KLRD1: variants seen among roughly 807,000 people sequenced by gnomAD.
KLRD1 encodes the protein natural killer cells antigen CD94.
KLRD1 carries 21 observed loss-of-function variants against 22.6 expected under a neutral mutation model. The ratio of observed to expected loss-of-function variants is 0.93; its 90% CI spans 0.66 to 1.34. KLRD1 has a LOEUF of 1.34. KLRD1 is among the 40% of genes most tolerant of loss of function. The probability of loss-of-function intolerance (pLI) is 0.00; values close to 1 mark genes in which losing one functional copy is unlikely to be tolerated. For synonymous variants in KLRD1, 59 were observed against 71.1 expected (o/e 0.83, Z 0.85); for missense variants, 183 against 208.6 (o/e 0.88, Z 0.76).
chr12:10,299,719 T>C (rs1361559306), upstream of KLRD1, among the ~76,000 whole-genome samples: 1 of 152,108 alleles, frequency 6.6e-6, no homozygotes, highest in Admixed American at 6.6e-5. Flanking sequence ...AATAAAAAAA[T>C]GAATTTTGTG....
At chr12:10,287,275 G>A (rs761405475) in intron 1 of KLRD1, among the ~76,000 whole-genome samples, 9 of 152,172 alleles carry the variant, frequency 5.9e-5, no homozygotes. Context: ...AGACAGCCAT[G>A]GGAGAATGCA....
upstream of KLRD1, among the ~76,000 whole-genome samples, chr12:10,304,177 C>G (rs1315384978): frequency 6.6e-6 from 1 of 152,102 alleles, no homozygotes; most frequent in African/African-American, 2.4e-5. Context: ...CAGTGGAAAA[C>G]CCAGGCCTGC....
At chr12:10,289,669 C>A (rs1949747083) in intron 1 of KLRD1, among the ~76,000 whole-genome samples, 1 of 152,160 alleles carries the variant, frequency 6.6e-6, no homozygotes, top group Non-Finnish European at 1.5e-5. Flanking sequence ...TGTTTATTTG[C>A]TTATTTCTTT....
At chr12:10,262,116 T>G (rs1949459318) in intron 1 of KLRD1, among the ~76,000 whole-genome samples, 1 of 152,106 alleles carries the variant, frequency 6.6e-6, no homozygotes, top group African/African-American at 2.4e-5. Context: ...AAATGTTGAG[T>G]TTAGCATGCT....
chr12:10,254,819 G>C (rs903844209), intron 1 of KLRD1, among the ~76,000 whole-genome samples: 4 of 132,906 alleles, frequency 3.0e-5, no homozygotes, highest in Admixed American at 7.2e-5. Context: ...CTTGAACCCA[G>C]GAGGCGGAGA....
intron 4 of KLRD1, among the ~76,000 whole-genome samples, chr12:10,312,300 CCTT>C (rs1211541981): frequency 5.9e-5 from 9 of 152,142 alleles, no homozygotes; most frequent in South Asian, 4.2e-4. Flanking sequence ...GATCTACCCT[CCTT>C]GGCCTCCCAA....
At chr12:10,281,238 C>T (rs774557348) in intron 1 of KLRD1, among the ~76,000 whole-genome samples, 22 of 152,134 alleles carry the variant, frequency 1.4e-4, no homozygotes, top group African/African-American at 2.9e-4. Context: ...AGTGAGGGAA[C>T]GCTGGCAGAC....
At chr12:10,298,196 A>C (rs1190170717) in intron 1 of KLRD1, among the ~76,000 whole-genome samples, 1 of 152,226 alleles carries the variant, frequency 6.6e-6, no homozygotes, top group Non-Finnish European at 1.5e-5. Flanking sequence ...CTGGAGTTAC[A>C]AAGACAATGT....
At chr12:10,303,390 A>AG (rs921231958), upstream of KLRD1, among the ~76,000 whole-genome samples, 2 of 152,096 alleles carry the variant, frequency 1.3e-5, no homozygotes, top group Non-Finnish European at 2.9e-5. Context: ...GGTTTATTGG[A>AG]GGGGGCTTCT....
At position 10,243,631 on chromosome 12, in the gene KLRD1, A is replaced by AAAAAAAAAAAAAAAAAAAAAG. The variant is rs771543645; in HGVS notation, c.-101+17400_-101+17401insAAAAAAAAAAAAAAAAAAGAA. On this transcript the variant is annotated intron_variant, in intron 1 of 5. Transcript: ENST00000544747. Reference sequence around the variant, plus strand: ...CCAAAAAAAAAAAAAAAAAAAAAAAAAACCGAAATGAAAGATATGGAACAA... The same window carrying AAAAAAAAAAAAAAAAAAAAAG: ...CCAAAAAAAAAAAAAAAAAAAAAAAAAAAAAAAAAAAAAAAAAAAAGAACCGAAATGAAAGATATGGAACAA... Among the ~76,000 whole-genome samples the AAAAAAAAAAAAAAAAAAAAAG allele has an allele frequency of 6.1e-4, 72 of 118,774 alleles. 8 individuals carry two copies. The highest frequency in any genetic ancestry group is 3.9e-3 in the Middle Eastern group (1 of 256). The allele number at this position is 118,774 out of a possible 152,430, so 77.9% of individuals were successfully genotyped here.
chr12:10,249,756 C>A (rs1949327508), intron 1 of KLRD1, among the ~76,000 whole-genome samples: 1 of 152,118 alleles, frequency 6.6e-6, no homozygotes, highest in Non-Finnish European at 1.5e-5. Context: ...ACATTTATCA[C>A]ACATATGCAG....
At chr12:10,259,782 A>T (rs531739759) in intron 1 of KLRD1, among the ~76,000 whole-genome samples, 3 of 152,188 alleles carry the variant, frequency 2.0e-5, no homozygotes, top group African/African-American at 7.2e-5. Flanking sequence ...CCTGGCCAAC[A>T]TGGTGAAACC....
At chr12:10,248,947 A>G (rs1277663367) in intron 1 of KLRD1, among the ~76,000 whole-genome samples, 3 of 152,144 alleles carry the variant, frequency 2.0e-5, no homozygotes, top group East Asian at 1.9e-4. Flanking sequence ...TCTTTGAATC[A>G]TATGCTTAGA....
At chr12:10,278,754 C>A (rs1254902653) in intron 1 of KLRD1, among the ~76,000 whole-genome samples, 1 of 152,120 alleles carries the variant, frequency 6.6e-6, no homozygotes, top group East Asian at 1.9e-4. Context: ...GAAAATGTTA[C>A]TTCTTTTAAC....
chr12:10,296,560 A>G (rs997569149), intron 1 of KLRD1, among the ~76,000 whole-genome samples: 1 of 152,070 alleles, frequency 6.6e-6, no homozygotes, highest in Non-Finnish European at 1.5e-5. Context: ...ACAAAAACAT[A>G]CAAAGGAAGT....
upstream of KLRD1, among the ~76,000 whole-genome samples, chr12:10,302,225 A>G (rs888133212): frequency 1.3e-5 from 2 of 152,250 alleles, no homozygotes; most frequent in African/African-American, 4.8e-5. Flanking sequence ...TGCCATAAAC[A>G]TTCAATTTGT....
At chr12:10,282,417 C>T (rs559526745) in intron 1 of KLRD1, among the ~76,000 whole-genome samples, 12 of 151,946 alleles carry the variant, frequency 7.9e-5, no homozygotes, top group Non-Finnish European at 1.6e-4. Flanking sequence ...ACTACCATGC[C>T]CGGCTAATTT....
In KLRD1 at chr12:10,326,309, G is replaced by A. The variant is rs1950361592; in HGVS notation, c.*11516G>A. ...TCCTTTGTGAACCCTGAAAATTTGA[G>A]ACAGGTCTCAGTTAATTTAGAAAGT... On this transcript the variant is annotated 3_prime_UTR_variant, in exon 6 of 6. Coordinates refer to ENST00000336164, the MANE Select transcript of KLRD1 (RefSeq NM_002262.5). The A allele has an allele frequency of 1.3e-5, 2 of 152,106 alleles. No individual in the cohort carries two copies. The highest frequency in any genetic ancestry group is 4.8e-5 in the African/African-American group (2 of 41,414). The allele number at this position is 152,106 out of a possible 1,614,324, so 9.4% of individuals were successfully genotyped here.
At chr12:10,257,127 T>G (rs56131687) in intron 1 of KLRD1, among the ~76,000 whole-genome samples, 73,553 of 96,808 alleles carry the variant, frequency 0.76, 30,218 homozygotes, top group Non-Finnish European at 0.94. Context: ...GTTTTGTTTT[T>G]TCTTTTCTTT....
Sources: allele counts gnomAD v4.1 joint callset (sites outside exome capture counted in the v4.1 genomes callset), GRCh38; gene constraint gnomAD v4.1.1; transcripts MANE v1.5; gene names NCBI Gene and HGNC (gene_info 2026-07-23, HGNC 2026-07-21).